The following NCK2 variants were observed in gnomAD, a reference collection of about 807,000 sequenced individuals.
NCK2 encodes the protein cytoplasmic protein NCK2.
In NCK2, 16 loss-of-function variants were observed where a neutral mutation model predicts 33.9. The observed-to-expected ratio is 0.47, with a 90% CI of 0.32 to 0.72. NCK2 has a LOEUF of 0.72. Ranked by LOEUF, NCK2 falls within the 30% of genes least tolerant of loss-of-function variation. The pLI, the probability that NCK2 is intolerant of heterozygous loss-of-function variation, is 0.03. For missense variants in NCK2, 418 were observed against 537.3 expected, an observed-to-expected ratio of 0.78 and a Z score of 2.19; for synonymous variants, 273 against 239.9, an observed-to-expected ratio of 1.14 and a Z score of -1.27.
At chr2:105,767,787 A>G (rs192923333) in intron 1 of NCK2, among the ~76,000 whole-genome samples, 174 of 152,174 alleles carry the variant, frequency 1.1e-3, no homozygotes, top group Admixed American at 3.6e-3. Context: ...CACCTGGGAA[A>G]GGAGGAGGAG....
rs537723974 is a variant in NCK2 at position 105,789,668 on chromosome 2, C to A, written c.-200-26762C>A. On this transcript the variant is annotated intron_variant, in intron 1 of 4. Transcript: ENST00000233154. Reference sequence around the variant, plus strand: ...GAACCAGCTGTAAAGCACTTATTGTCCATCATCATCTGCTGGTGAGGACCT... The same window carrying A: ...GAACCAGCTGTAAAGCACTTATTGTACATCATCATCTGCTGGTGAGGACCT... Among the ~76,000 whole-genome samples, 9 of 152,328 alleles carry A rather than the reference C, an allele frequency of 5.9e-5. No homozygotes were observed. The East Asian group carries it at 1.2e-3, about 20-fold the overall frequency.
At chr2:105,828,078 A>T (rs1165772869) in intron 2 of NCK2, among the ~76,000 whole-genome samples, 1 of 152,202 alleles carries the variant, frequency 6.6e-6, no homozygotes, top group Non-Finnish European at 1.5e-5. Flanking sequence ...ACCTATACTT[A>T]TCTCAAAATT....
chr2:105,757,063 C>T (rs1689621545), intron 1 of NCK2, among the ~76,000 whole-genome samples: 2 of 152,124 alleles, frequency 1.3e-5, no homozygotes, highest in Admixed American at 6.5e-5. Context: ...CCTCGGCCTC[C>T]CAGAGTGCTG....
Position 105,893,154 on chromosome 2 carries a change from A to C in NCK2, c.1121A>C (p.Tyr374Ser). ...IFTSEHGEKL[Y>S]LVRALQ ...ACCAGCGAGCACGGGGAGAAGCTCT[A>C]CCTCGTCAGGGCCCTGCAGTGACGG... is the stretch of plus-strand genomic sequence containing the variant. Residue 374 changes from tyrosine (Y) to serine (S), a missense_variant, in exon 5 of 5, where the codon TAC becomes TCC. By Grantham distance (144) the Tyr-to-Ser change is moderately radical. Coordinates refer to ENST00000233154, the MANE Select transcript of NCK2 (RefSeq NM_003581.5). The C allele has an allele frequency of 6.2e-7, 1 of 1,605,968 alleles. No homozygotes were observed. The highest frequency in any genetic ancestry group is 8.5e-7 in the Non-Finnish European group (1 of 1,176,156).
chr2:105,746,819 C>T (rs1193955358), intron 1 of NCK2, among the ~76,000 whole-genome samples: 1 of 152,134 alleles, frequency 6.6e-6, no homozygotes, highest in Non-Finnish European at 1.5e-5. Flanking sequence ...GAGAAGGTGG[C>T]GGAATCTTAG....
chr2:105,892,947 G>T, intron 4 of NCK2, 35 bp from the exon 5 acceptor site: 1 of 1,570,566 alleles, frequency 6.4e-7, no homozygotes, highest in Non-Finnish European at 8.7e-7. Context: ...TCCCCGCTGT[G>T]GCCCGGCTGT....
intron 2 of NCK2, among the ~76,000 whole-genome samples, chr2:105,843,718 G>T (rs542682224): frequency 6.6e-6 from 1 of 152,164 alleles, no homozygotes; most frequent in Non-Finnish European, 1.5e-5. Flanking sequence ...TAAAATAGCC[G>T]TAAGATCACA....
Position 105,819,532 on chromosome 2 carries a change from C to T in NCK2, c.-17+2919C>T, listed in dbSNP as rs13387154. Among the ~76,000 whole-genome samples, 1,435 of 152,182 alleles carry T rather than the reference C, an allele frequency of 9.4e-3. 18 individuals are homozygous for T. Among genetic ancestry groups the T allele is most frequent in the African/African-American group, 0.027 (1,139 of 41,508 alleles). Reference sequence around the variant, plus strand: ...ACTTCTTTAGAAAGGTCTTGATCGTCAGTGACATTAGCAGACCTGAAGCTG... The same window carrying T: ...ACTTCTTTAGAAAGGTCTTGATCGTTAGTGACATTAGCAGACCTGAAGCTG... On this transcript the variant is annotated intron_variant, in intron 2 of 4. Coordinates refer to ENST00000233154, the MANE Select transcript of NCK2 (RefSeq NM_003581.5).
chr2:105,840,814 G>A (rs1423311158), intron 2 of NCK2, among the ~76,000 whole-genome samples: 2 of 152,208 alleles, frequency 1.3e-5, no homozygotes, highest in Non-Finnish European at 2.9e-5. Flanking sequence ...GGGTGGCTTA[G>A]GCCCAGAGGC....
At chr2:105,782,350 G>A (rs1475097094) in intron 1 of NCK2, among the ~76,000 whole-genome samples, 1 of 152,136 alleles carries the variant, frequency 6.6e-6, no homozygotes, top group Non-Finnish European at 1.5e-5. Flanking sequence ...TTCTCTCTCT[G>A]CCACCAAAAA....
chr2:105,753,244 GGGAAGGCCCT>G (rs1194283983), intron 1 of NCK2, among the ~76,000 whole-genome samples: 1 of 152,236 alleles, frequency 6.6e-6, no homozygotes, highest in Non-Finnish European at 1.5e-5. Flanking sequence ...CAAGTGGTTG[GGGAAGGCCCT>G]GGACTTTGGA....
At chr2:105,785,798 G>T (rs147297171) in intron 1 of NCK2, among the ~76,000 whole-genome samples, 3 of 152,286 alleles carry the variant, frequency 2.0e-5, no homozygotes, top group East Asian at 3.9e-4. Context: ...GAGGTTGGGC[G>T]CAGGACTCCT....
intron 4 of NCK2, among the ~76,000 whole-genome samples, chr2:105,884,897 T>C (rs538903503): frequency 5.9e-5 from 9 of 152,334 alleles, no homozygotes; most frequent in African/African-American, 2.2e-4. Flanking sequence ...TATTTCGTTA[T>C]CATACCTTCA....
At chr2:105,796,636 G>A (rs1310716436) in intron 1 of NCK2, among the ~76,000 whole-genome samples, 1 of 152,124 alleles carries the variant, frequency 6.6e-6, no homozygotes, top group Non-Finnish European at 1.5e-5. Flanking sequence ...TTTGCATTTG[G>A]CAAGGAAGAG....
At chr2:105,778,681 A>T (rs1051338210) in intron 1 of NCK2, among the ~76,000 whole-genome samples, 1 of 152,128 alleles carries the variant, frequency 6.6e-6, no homozygotes, top group Non-Finnish European at 1.5e-5. Flanking sequence ...TGCACTGGTT[A>T]TGTGTATCAA....
chr2:105,807,078 T>A (rs941329548), intron 1 of NCK2, among the ~76,000 whole-genome samples: 2 of 152,204 alleles, frequency 1.3e-5, no homozygotes, highest in Non-Finnish European at 1.5e-5. Context: ...AGGTAGAGTC[T>A]GAGTAACACT....
intron 1 of NCK2, among the ~76,000 whole-genome samples, chr2:105,813,052 G>A (rs899111652): frequency 8.5e-5 from 13 of 152,212 alleles, no homozygotes; most frequent in African/African-American, 3.1e-4. Flanking sequence ...GGTGATCTTT[G>A]TCAGGAGAAG....
intron 2 of NCK2, among the ~76,000 whole-genome samples, chr2:105,843,783 A>C (rs1480402823): frequency 6.6e-6 from 1 of 152,222 alleles, no homozygotes; most frequent in Non-Finnish European, 1.5e-5. Context: ...TCTCCTGTGC[A>C]AAAGGTTTCC....
intron 1 of NCK2, among the ~76,000 whole-genome samples, chr2:105,788,523 T>C (rs1001400085): frequency 1.3e-5 from 2 of 152,160 alleles, no homozygotes; most frequent in Middle Eastern, 3.2e-3. Flanking sequence ...GAACAAGTAA[T>C]ACAAGCAATA....
Sources: gnomAD v4.1 joint callset for allele counts (sites outside exome capture counted in the v4.1 genomes callset) on GRCh38, gnomAD v4.1.1 for gene constraint, MANE v1.5 for transcripts, NCBI Gene and HGNC (gene_info 2026-07-23, HGNC 2026-07-21) for gene names.